KCNQ3: variants seen among roughly 807,000 people sequenced by gnomAD.
KCNQ3 encodes the protein potassium voltage-gated channel subfamily KQT member 3.
A neutral mutation model predicts 92.5 loss-of-function variants in KCNQ3; 30 were observed. The observed-to-expected ratio is 0.32, with a 90% confidence interval of 0.24 to 0.44. KCNQ3 has a LOEUF of 0.44. KCNQ3 is among the 20% of genes least tolerant of loss of function. The pLI, the probability that KCNQ3 is intolerant of heterozygous loss-of-function variation, is 1.00. For missense variants in KCNQ3, 913 were observed against 1,140.3 expected (o/e 0.80, Z 2.87); for synonymous variants, 450 against 468.8 (o/e 0.96, Z 0.52).
At chr8:132,231,410 T>A (rs190818203) in intron 1 of KCNQ3, among the ~76,000 whole-genome samples, 242 of 152,312 alleles carry the variant, frequency 1.6e-3, no homozygotes, top group South Asian at 3.1e-3. Flanking sequence ...TGCCCCAAAA[T>A]TTATATATTG....
intron 2 of KCNQ3, 83 bp downstream of exon 2, chr8:132,186,008 G>T: frequency 1.0e-6 from 1 of 973,208 alleles, no homozygotes; most frequent in South Asian, 1.3e-5. Context: ...CAACCAGTCA[G>T]GGAGGAGTGC....
At chr8:132,136,570 G>C (rs1188341709) in intron 12 of KCNQ3, among the ~76,000 whole-genome samples, 2 of 152,152 alleles carry the variant, frequency 1.3e-5, no homozygotes, top group African/African-American at 4.8e-5. Context: ...GAAAGTGTGT[G>C]CATGTCCTGT....
intron 4 of KCNQ3, among the ~76,000 whole-genome samples, chr8:132,179,764 C>T (rs1826690183): frequency 6.6e-6 from 1 of 152,136 alleles, no homozygotes; most frequent in Admixed American, 6.5e-5. Context: ...CCTGTGTGAT[C>T]CCCAAGCCTT....
At chr8:132,131,854 G>A (rs1238512112) in intron 14 of KCNQ3, among the ~76,000 whole-genome samples, 2 of 152,080 alleles carry the variant, frequency 1.3e-5, no homozygotes, top group Non-Finnish European at 2.9e-5. Context: ...TTGGTAGGCC[G>A]AGTTGGGCAG....
chr8:132,322,241 C>T (rs73360863), intron 1 of KCNQ3, among the ~76,000 whole-genome samples: 2,988 of 152,270 alleles, frequency 0.02, 101 homozygotes, highest in African/African-American at 0.067. Flanking sequence ...CTTTGCTTCT[C>T]TCATCTCTGC....
chr8:132,217,726 A>AAC (rs1554633047), intron 1 of KCNQ3, among the ~76,000 whole-genome samples: 8 of 151,376 alleles, frequency 5.3e-5, no homozygotes, highest in Non-Finnish European at 1.2e-4. Flanking sequence ...AAAAAAAAAA[A>AAC]AAAACAAAAC....
chr8:132,469,154 A>C (rs376710192), intron 1 of KCNQ3, among the ~76,000 whole-genome samples: 3 of 152,232 alleles, frequency 2.0e-5, no homozygotes, highest in East Asian at 3.8e-4. Context: ...GGGGAAGCTA[A>C]CATCCCTATA....
At chr8:132,385,056 T>G (rs549032942) in intron 1 of KCNQ3, among the ~76,000 whole-genome samples, 37 of 152,320 alleles carry the variant, frequency 2.4e-4, no homozygotes, top group Admixed American at 7.8e-4. Flanking sequence ...GAGGACTATG[T>G]TGGCTGAAAT....
At chr8:132,337,525 A>G (rs1054382306) in intron 1 of KCNQ3, among the ~76,000 whole-genome samples, 3 of 152,064 alleles carry the variant, frequency 2.0e-5, no homozygotes, top group Non-Finnish European at 4.4e-5. Context: ...AAACAAACAA[A>G]CAAACAAACA....
intron 11 of KCNQ3, among the ~76,000 whole-genome samples, chr8:132,138,867 T>C (rs1471125707): frequency 2.0e-5 from 3 of 152,234 alleles, no homozygotes; most frequent in African/African-American, 7.2e-5. Flanking sequence ...ATTATGGTAC[T>C]ATCTAATTTG....
intron 13 of KCNQ3, among the ~76,000 whole-genome samples, chr8:132,133,044 G>A (rs1386522736): frequency 6.6e-6 from 1 of 152,134 alleles, no homozygotes; most frequent in Non-Finnish European, 1.5e-5. Flanking sequence ...TGGTCCATGT[G>A]CTAAATCCAG....
chr8:132,287,786 A>G (rs1816719631), intron 1 of KCNQ3, among the ~76,000 whole-genome samples: 1 of 152,172 alleles, frequency 6.6e-6, no homozygotes, highest in African/African-American at 2.4e-5. Flanking sequence ...GGGACTGGGG[A>G]AAAATGAGAT....
chr8:132,169,196 T>A (rs963911772), intron 8 of KCNQ3, among the ~76,000 whole-genome samples: 2 of 152,152 alleles, frequency 1.3e-5, no homozygotes, highest in Non-Finnish European at 2.9e-5. Flanking sequence ...GGCCACTGGC[T>A]CAGCCCCACC....
intron 1 of KCNQ3, among the ~76,000 whole-genome samples, chr8:132,377,596 AG>A (rs1351109873): frequency 6.6e-6 from 1 of 152,164 alleles, no homozygotes; most frequent in Non-Finnish European, 1.5e-5. Flanking sequence ...GCTTGTTTCT[AG>A]CTCTGGCTGA....
chr8:132,281,825 CCCAGGTCCTGT>C (rs1240238267), intron 1 of KCNQ3, among the ~76,000 whole-genome samples: 2 of 152,146 alleles, frequency 1.3e-5, no homozygotes, highest in African/African-American at 4.8e-5. Flanking sequence ...GGGGTGGAGC[CCCAGGTCCTGT>C]CAAAGATCAA....
At chr8:132,188,621 A>T (rs1332467027) in intron 1 of KCNQ3, among the ~76,000 whole-genome samples, 1 of 152,218 alleles carries the variant, frequency 6.6e-6, no homozygotes, top group African/African-American at 2.4e-5. Flanking sequence ...GTTAACTATC[A>T]TTTTATTGCA....
chr8:132,338,114 C>T (rs762042497), intron 1 of KCNQ3, among the ~76,000 whole-genome samples: 13 of 152,148 alleles, frequency 8.5e-5, no homozygotes, highest in Non-Finnish European at 1.0e-4. Flanking sequence ...TGAGTGCCTT[C>T]GGTGTGCTGG....
chr8:132,216,906 T>C (rs1311620068), intron 1 of KCNQ3, among the ~76,000 whole-genome samples: 1 of 152,138 alleles, frequency 6.6e-6, no homozygotes, highest in African/African-American at 2.4e-5. Context: ...GAGGCCACTC[T>C]TAAGAGTCTC....
intron 1 of KCNQ3, among the ~76,000 whole-genome samples, chr8:132,468,894 T>C (rs550674359): frequency 4.6e-5 from 7 of 152,308 alleles, no homozygotes; most frequent in East Asian, 3.9e-4. Flanking sequence ...ATACACTACA[T>C]GCAGGAAGCA....
Sources: allele counts gnomAD v4.1 joint callset (sites outside exome capture counted in the v4.1 genomes callset), GRCh38; gene constraint gnomAD v4.1.1; transcripts MANE v1.5; gene names NCBI Gene and HGNC (gene_info 2026-07-23, HGNC 2026-07-21).